Variants in RASAL1 observed in about 807,000 individuals in gnomAD.
RASAL1 encodes the protein rasGAP-activating-like protein 1.
Under a neutral mutation model 96.6 loss-of-function variants are expected in RASAL1, and 72 were observed. The observed-to-expected ratio is 0.75, with a 90% CI of 0.62 to 0.91. The LOEUF is 0.91. Ranked by LOEUF, RASAL1 falls within the 40% of genes least tolerant of loss-of-function variation. The pLI, the probability that RASAL1 is intolerant of heterozygous loss-of-function variation, is 0.00. For synonymous variants in RASAL1, 405 were observed against 430.4 expected (o/e 0.94, Z 0.73); for missense variants, 1,016 against 1,072.5 (o/e 0.95, Z 0.74).
Position 113,115,523 on chromosome 12 carries a change from G to GA in RASAL1, c.1003+111dup. 7.1e-7 allele frequency: 1 copy of GA among 1,400,008 alleles called. No individual in the cohort carries two copies. Among genetic ancestry groups the GA allele is most frequent in the Non-Finnish European group, 9.6e-7 (1 of 1,038,548 alleles). 86.7% of individuals were successfully genotyped at this position (1,400,008 alleles called of 1,614,324 possible). A position where few individuals can be genotyped will look rare whatever the true frequency, so the allele number is the denominator to read the frequency against. ...GAGGTGCACAGCACAGGGACCCACA[G>GA]AAAAAGGAGCCCTTTTTCCCTCTGC... is the stretch of plus-strand genomic sequence containing the variant. On this transcript the variant is annotated intron_variant, in intron 10 of 20. Coordinates refer to ENST00000548055, the MANE Select transcript of RASAL1 (RefSeq NM_001301202.2). This position sits in a 1 kb window ranked among gnomAD's most constrained non-coding sequence, Gnocchi z 4.1.
At chr12:113,132,467 T>C (rs1196028211) in intron 1 of RASAL1, among the ~76,000 whole-genome samples, 1 of 152,080 alleles carries the variant, frequency 6.6e-6, no homozygotes, top group Admixed American at 6.5e-5. Flanking sequence ...GGAGTAACAG[T>C]GGAGATAGGA....
intron 20 of RASAL1, 33 bp downstream of exon 20, chr12:113,100,595 A>C: frequency 6.3e-7 from 1 of 1,582,240 alleles, no homozygotes; most frequent in South Asian, 1.1e-5. Flanking sequence ...CACTGCACCC[A>C]GCCTTTACCT....
chr12:113,128,938 GAC>G (rs1159102678), intron 2 of RASAL1, among the ~76,000 whole-genome samples: 1 of 149,876 alleles, frequency 6.7e-6, no homozygotes, highest in Non-Finnish European at 1.5e-5. Context: ...TACACATAGA[GAC>G]ACACACACAG....
chr12:113,106,950 A>G, intron 15 of RASAL1, 147 bp downstream of exon 15: 2 of 922,106 alleles, frequency 2.2e-6, no homozygotes, highest in East Asian at 2.7e-5. Flanking sequence ...TCTGGGGCCT[A>G]GCACAGTAAG....
chr12:113,124,997 C>A (rs1951429531), intron 4 of RASAL1, among the ~76,000 whole-genome samples: 1 of 151,884 alleles, frequency 6.6e-6, no homozygotes, highest in South Asian at 2.1e-4. Context: ...CATGGTGGCT[C>A]ACACCTGTAA....
At position 113,130,679 on chromosome 12, in the gene RASAL1, G is replaced by C. The variant is rs1472266359; in HGVS notation, c.122+206C>G. Among the ~76,000 whole-genome samples, 1 of 152,206 alleles carries C rather than the reference G, an allele frequency of 6.6e-6. No homozygotes were observed. Among genetic ancestry groups the C allele is most frequent in the Non-Finnish European group, 1.5e-5 (1 of 68,036 alleles). ...TGAGTCAGCCCCAGGGAGCCAGCAGGGACAGCATTAGGTCCAGAGGGGGAA... is the reference window on the plus strand; with the variant it reads ...TGAGTCAGCCCCAGGGAGCCAGCAGCGACAGCATTAGGTCCAGAGGGGGAA... On this transcript the variant is annotated intron_variant, in intron 2 of 20. Coordinates refer to ENST00000548055, the MANE Select transcript of RASAL1 (RefSeq NM_001301202.2). This position sits in a 1 kb window ranked among gnomAD's most constrained non-coding sequence, Gnocchi z 5.1.
chr12:113,115,277 G>T lies in RASAL1; in HGVS notation c.1004-13C>A. ...GTGTTGGGGTCCACTGGGAGGACAG[G>T]AGGAAGTGTTTGCTGGGATTTAGGG... On this transcript the variant is annotated splice_polypyrimidine_tract_variant and intron_variant, in intron 10 of 20. Coordinates refer to ENST00000548055, the MANE Select transcript of RASAL1 (RefSeq NM_001301202.2). This position sits in a 1 kb window ranked among gnomAD's most constrained non-coding sequence, Gnocchi z 4.1. 6.2e-7 allele frequency: 1 copy of T among 1,611,196 alleles called. No individual in the cohort carries two copies. The highest frequency in any genetic ancestry group is 8.5e-7 in the Non-Finnish European group (1 of 1,177,408).
intron 13 of RASAL1, among the ~76,000 whole-genome samples, chr12:113,108,526 T>C (rs1950730499): frequency 6.6e-6 from 1 of 152,174 alleles, no homozygotes; most frequent in African/African-American, 2.4e-5. Context: ...ATGAGTCCCA[T>C]TTTACAGATG....
chr12:113,103,192 T>C (rs1344447803), intron 18 of RASAL1: 1 of 150,410 alleles, frequency 6.6e-6, no homozygotes, highest in Non-Finnish European at 1.5e-5. Context: ...TTATTTTATA[T>C]ATATTTTATA....
Position 113,109,618 on chromosome 12 carries a change from G to C in RASAL1, c.1375-1396C>G, listed in dbSNP as rs184254130. On this transcript the variant is annotated intron_variant, in intron 13 of 20. Coordinates refer to ENST00000548055, the MANE Select transcript of RASAL1 (RefSeq NM_001301202.2). ...ACTTGCCAGGCTATATTTAGCCTGAGAGTCTGCGCCTGTGTTTATTCAGAG... is the reference window on the plus strand; with the variant it reads ...ACTTGCCAGGCTATATTTAGCCTGACAGTCTGCGCCTGTGTTTATTCAGAG... Among the ~76,000 whole-genome samples, 463 of 152,352 alleles carry C rather than the reference G, an allele frequency of 3.0e-3. 4 individuals are homozygous for C. The highest frequency in any genetic ancestry group is 0.01 in the African/African-American group (435 of 41,578).
chr12:113,128,201 C>T (rs771052473), intron 2 of RASAL1, 23 bp from the exon 3 acceptor site: 1 of 1,553,944 alleles, frequency 6.4e-7, no homozygotes, highest in Non-Finnish European at 8.9e-7. Flanking sequence ...GTGCAGGGGG[C>T]TGGGGTCCTC....
rs188598198 is a variant in RASAL1, at chr12:113,115,546, T to C, written c.1003+89A>G. ...CAGAAAAAGGAGCCCTTTTTCCCTCTGCCTGAGGCCTCCCCATTCCTCCCC... is the reference window on the plus strand; with the variant it reads ...CAGAAAAAGGAGCCCTTTTTCCCTCCGCCTGAGGCCTCCCCATTCCTCCCC... On this transcript the variant is annotated intron_variant, in intron 10 of 20. Transcript: ENST00000548055. This position sits in a 1 kb window ranked among gnomAD's most constrained non-coding sequence, Gnocchi z 4.1. 1 of 1,500,882 alleles carries C rather than the reference T, an allele frequency of 6.7e-7. No individual in the cohort carries two copies. The highest frequency in any genetic ancestry group is 9.0e-7 in the Non-Finnish European group (1 of 1,116,600). 93.0% of individuals were successfully genotyped at this position (1,500,882 alleles called of 1,614,324 possible).
In RASAL1 at chr12:113,134,842, G is replaced by A. The variant is rs1416659157; in HGVS notation, c.65+556C>T. Among the ~76,000 whole-genome samples the A allele has an allele frequency of 2.0e-5, 3 of 152,168 alleles. No homozygotes were observed. In the East Asian group the frequency reaches 5.8e-4, roughly 29 times the overall value. ...CCCGGGGAAGGCCCACACGAGGCTGGGAGCCACAAGACTGGGGAGCTCAGG... is the reference window on the plus strand; with the variant it reads ...CCCGGGGAAGGCCCACACGAGGCTGAGAGCCACAAGACTGGGGAGCTCAGG... On this transcript the variant is annotated intron_variant, in intron 1 of 20. Coordinates refer to ENST00000548055, the MANE Select transcript of RASAL1 (RefSeq NM_001301202.2).
chr12:113,122,689 C>G (rs1951342055), intron 4 of RASAL1, among the ~76,000 whole-genome samples: 1 of 152,198 alleles, frequency 6.6e-6, no homozygotes, highest in Non-Finnish European at 1.5e-5. Flanking sequence ...CACAATGTGT[C>G]TAGATACAGA....
intron 4 of RASAL1, among the ~76,000 whole-genome samples, chr12:113,126,688 T>TCACACA (rs71455143): frequency 0.012 from 1,600 of 138,992 alleles, 30 homozygotes; most frequent in East Asian, 0.11. Context: ...TCTCTCTCTC[T>TCACACA]CACACACACA....
In RASAL1 at chr12:113,130,854, T is replaced by C. The variant is rs749902732; in HGVS notation, c.122+31A>G. On this transcript the variant is annotated intron_variant, in intron 2 of 20. Transcript: ENST00000548055. This position sits in a 1 kb window ranked among gnomAD's most constrained non-coding sequence, Gnocchi z 5.1. ...CAGGTCTAGAAAGAGACCCCTCCCTTCCTCCTCTCCCCCGTGTCGCCACCC... is the reference window on the plus strand; with the variant it reads ...CAGGTCTAGAAAGAGACCCCTCCCTCCCTCCTCTCCCCCGTGTCGCCACCC... 2.5e-6 allele frequency: 4 copies of C among 1,592,032 alleles called. No individual in the cohort carries two copies. In the South Asian group the frequency reaches 4.5e-5, roughly 18 times the overall value.
chr12:113,117,596 T>C (rs1951136419), intron 7 of RASAL1, among the ~76,000 whole-genome samples: 1 of 152,202 alleles, frequency 6.6e-6, no homozygotes, highest in African/African-American at 2.4e-5. Flanking sequence ...CCTAAACAAT[T>C]CACCTTTTAA....
At chr12:113,134,471 G>C (rs954292464) in intron 1 of RASAL1, among the ~76,000 whole-genome samples, 9 of 152,192 alleles carry the variant, frequency 5.9e-5, no homozygotes, top group African/African-American at 2.2e-4. Flanking sequence ...AGCTGGATGG[G>C]AGACCCCAGG....
rs767990189 is a variant in RASAL1, at chr12:113,121,661, T to G, written c.299-23A>C. On this transcript the variant is annotated intron_variant, in intron 4 of 20. Transcript: ENST00000548055. The stretch of plus-strand genomic sequence containing the variant: ...TCCCTGAAGGGCACAGGCACTAACA[T>G]TTATGAAGCGCCTACCATGTACTGG... The G allele has an allele frequency of 1.9e-6, 3 of 1,613,656 alleles. No homozygotes were observed. In the Admixed American group the frequency reaches 5.0e-5, roughly 27 times the overall value.
Sources: gnomAD v4.1 joint callset for allele counts (sites outside exome capture counted in the v4.1 genomes callset) on GRCh38, gnomAD v4.1.1 for gene constraint, Gnocchi (gnomAD v3.1) non-coding constraint, MANE v1.5 for transcripts, NCBI Gene and HGNC (gene_info 2026-07-23, HGNC 2026-07-21) for gene names.